FSTL5: variants seen among roughly 807,000 people sequenced by gnomAD.
FSTL5 encodes the protein follistatin-related protein 5.
A neutral mutation model predicts 89.1 loss-of-function variants in FSTL5; 62 were observed. The ratio of observed to expected loss-of-function variants is 0.70; its 90% CI spans 0.57 to 0.86. The LOEUF (loss-of-function observed/expected upper bound fraction) is 0.86. Among genes scored for constraint, FSTL5 ranks in the 40% least tolerant of loss-of-function variants. The pLI is 0.00. For missense variants in FSTL5, 1,057 were observed against 1,001.6 expected, an observed-to-expected ratio of 1.06 and a Z score of -0.75; for synonymous variants, 383 against 346.2, an observed-to-expected ratio of 1.11 and a Z score of -1.18.
intron 15 of FSTL5, among the ~76,000 whole-genome samples, chr4:161,418,909 G>A (rs935498686): frequency 9.2e-5 from 14 of 152,322 alleles, no homozygotes; most frequent in African/African-American, 3.1e-4. Flanking sequence ...TAGCAAAGAT[G>A]TATTTCATTC....
chr4:161,691,043 A>T (rs562039641), intron 6 of FSTL5, among the ~76,000 whole-genome samples: 3 of 152,182 alleles, frequency 2.0e-5, no homozygotes, highest in Admixed American at 2.0e-4. Flanking sequence ...TTCTTTACCC[A>T]GTCTATCAAA....
chr4:161,531,634 C>T (rs1354461750), intron 10 of FSTL5, among the ~76,000 whole-genome samples: 1 of 151,970 alleles, frequency 6.6e-6, no homozygotes, highest in Non-Finnish European at 1.5e-5. Context: ...AAAGTGAACT[C>T]TAGAAAAAGA....
intron 4 of FSTL5, among the ~76,000 whole-genome samples, chr4:161,885,884 A>C (rs1301890311): frequency 6.6e-6 from 1 of 152,148 alleles, no homozygotes; most frequent in African/African-American, 2.4e-5. Flanking sequence ...TAGATAGACA[A>C]CTGGCAAAAC....
In FSTL5 at chr4:161,775,846, A is replaced by T. The variant is rs200719109; in HGVS notation, c.606+32T>A. 4.5e-6 allele frequency: 5 copies of T among 1,116,562 alleles called. No individual in the cohort carries two copies. In the East Asian group the frequency reaches 1.3e-4, roughly 30 times the overall value. 69.2% of individuals were successfully genotyped at this position (1,116,562 alleles called of 1,614,324 possible). ...AAATATATTGTGCATGCTATATTTC[A>T]GTAAGTTTGTTAATATAGTCACTAA... On this transcript the variant is annotated intron_variant, in intron 5 of 15. Coordinates refer to ENST00000306100, the MANE Select transcript of FSTL5 (RefSeq NM_020116.5).
chr4:161,845,093 A>G (rs1731327060), intron 4 of FSTL5, among the ~76,000 whole-genome samples: 1 of 152,200 alleles, frequency 6.6e-6, no homozygotes, highest in Non-Finnish European at 1.5e-5. Flanking sequence ...TATGAATTCC[A>G]CTATGCTACA....
At chr4:161,522,398 C>T (rs910016283) in intron 10 of FSTL5, among the ~76,000 whole-genome samples, 1 of 151,988 alleles carries the variant, frequency 6.6e-6, no homozygotes, top group African/African-American at 2.4e-5. Flanking sequence ...ACTGCTCATT[C>T]TTGAAAATAA....
At chr4:161,466,770 A>T (rs1733761198) in intron 13 of FSTL5, among the ~76,000 whole-genome samples, 1 of 152,176 alleles carries the variant, frequency 6.6e-6, no homozygotes, top group African/African-American at 2.4e-5. Flanking sequence ...TATAGATTCC[A>T]TTAAAAAAAT....
chr4:161,980,160 A>T (rs1735778636), intron 3 of FSTL5, among the ~76,000 whole-genome samples: 1 of 145,930 alleles, frequency 6.9e-6, no homozygotes, highest in Admixed American at 6.7e-5. Context: ...AAAGATAAAG[A>T]AAGAAAGAAA....
intron 6 of FSTL5, among the ~76,000 whole-genome samples, chr4:161,735,594 G>A (rs1407871595): frequency 6.6e-6 from 1 of 152,100 alleles, no homozygotes; most frequent in Non-Finnish European, 1.5e-5. Context: ...ATCACTTAAT[G>A]CCAGACATGT....
Position 161,656,457 on chromosome 4 carries a change from T to C in FSTL5, c.765A>G (p.Leu255=). The change falls in exon 7 of 16, where the codon CTA becomes CTG. Residue 255 remains leucine, a synonymous_variant. Transcript: ENST00000306100. The part of the protein sequence containing the change: ...IQLSLPEDQK[L]SITAATVGQS... ...GTCCCACAGTTGCTGCAGTGATGCT[T>C]AGTTTCTGATCTTCTGGCAGACTCA... 2 of 1,601,294 alleles carry C rather than the reference T, an allele frequency of 1.2e-6. No homozygotes were observed. Among genetic ancestry groups the C allele is most frequent in the Non-Finnish European group, 1.7e-6 (2 of 1,174,612 alleles).
chr4:161,785,064 A>G (rs1560844799), intron 4 of FSTL5, among the ~76,000 whole-genome samples: 1 of 152,176 alleles, frequency 6.6e-6, no homozygotes, highest in Non-Finnish European at 1.5e-5. Context: ...ACTAAGAAGT[A>G]AATGTCATTT....
At chr4:161,669,475 C>T (rs1466855140) in intron 6 of FSTL5, among the ~76,000 whole-genome samples, 1 of 151,858 alleles carries the variant, frequency 6.6e-6, no homozygotes, top group African/African-American at 2.4e-5. Flanking sequence ...ATAGAGAGGC[C>T]AGAAATAGAA....
chr4:161,982,838 C>T (rs1324796320), intron 3 of FSTL5, among the ~76,000 whole-genome samples: 3 of 152,058 alleles, frequency 2.0e-5, no homozygotes, highest in Non-Finnish European at 2.9e-5. Context: ...ATTATTCTTT[C>T]GAAGTTAAGA....
intron 3 of FSTL5, among the ~76,000 whole-genome samples, chr4:161,991,708 T>C (rs958180734): frequency 6.6e-6 from 1 of 152,106 alleles, no homozygotes; most frequent in Non-Finnish European, 1.5e-5. Context: ...TGAGTATGCA[T>C]GGATTTTGGT....
At chr4:161,947,198 C>A (rs1380008353) in intron 3 of FSTL5, among the ~76,000 whole-genome samples, 1 of 150,726 alleles carries the variant, frequency 6.6e-6, no homozygotes, top group Non-Finnish European at 1.5e-5. Flanking sequence ...TTTGCCTATG[C>A]CTATTAAATT....
chr4:161,538,291 C>A lies in FSTL5; in HGVS notation c.1187G>T (p.Ser396Ile). Residue 396 changes from serine to isoleucine, a missense_variant, in exon 10 of 16, where the codon AGT (serine) becomes ATT (isoleucine). Physicochemically the swap from Ser to Ile is moderately radical, Grantham distance 142. Around this residue, in one of 3 missense-constraint regions of FSTL5, gnomAD observed 980 missense variants for 903.2 expected, o/e 1.08. Coordinates refer to ENST00000306100, the MANE Select transcript of FSTL5 (RefSeq NM_020116.5). ...SKQLTLQANG[S>I]EVHISNVRYE... ...GCGCACATTGCTTATGTGAACCTCA[C>A]TGCCATTTGCTGAAAAAAGAAGGGA... 3 of 1,613,796 alleles carry A rather than the reference C, an allele frequency of 1.9e-6. No homozygotes were observed. The highest frequency in any genetic ancestry group is 2.5e-6 in the Non-Finnish European group (3 of 1,179,820).
chr4:161,602,596 T>C (rs2126626715), intron 7 of FSTL5, among the ~76,000 whole-genome samples: 1 of 152,248 alleles, frequency 6.6e-6, no homozygotes, highest in South Asian at 2.1e-4. Flanking sequence ...GTATTTATAC[T>C]ACAGGGGACC....
At chr4:161,605,523 T>A (rs1734408772) in intron 7 of FSTL5, among the ~76,000 whole-genome samples, 1 of 152,202 alleles carries the variant, frequency 6.6e-6, no homozygotes, top group African/African-American at 2.4e-5. Context: ...TTCTCAGTTT[T>A]CCTGTAAATG....
In FSTL5 at chr4:162,163,929, C is replaced by CGTCTCA. The variant is rs1376788491; in HGVS notation, c.-337_-332dup. On this transcript the variant is annotated 5_prime_UTR_variant, in exon 1 of 16. Transcript: ENST00000306100. Reference sequence around the variant, plus strand: ...GGTGCTGGAGCAACTGGTCCGCTCGCGTCTCAGGTTCAGCACCGACAGCAC... The same window carrying CGTCTCA: ...GGTGCTGGAGCAACTGGTCCGCTCGCGTCTCAGTCTCAGGTTCAGCACCGACAGCAC... The CGTCTCA allele has an allele frequency of 6.6e-6, 1 of 152,306 alleles. No individual in the cohort carries two copies. Among genetic ancestry groups the CGTCTCA allele is most frequent in the Non-Finnish European group, 1.5e-5 (1 of 68,182 alleles). The allele number at this position is 152,306 out of a possible 1,614,324, so 9.4% of individuals were successfully genotyped here. A position where few individuals can be genotyped will look rare whatever the true frequency, so the allele number is the denominator to read the frequency against.
Sources: allele counts gnomAD v4.1 joint callset (sites outside exome capture counted in the v4.1 genomes callset), GRCh38; gene constraint gnomAD v4.1.1; regional missense constraint gnomAD v4.1.1; transcripts MANE v1.5; gene names NCBI Gene and HGNC (gene_info 2026-07-23, HGNC 2026-07-21).